FAM133B: variants seen among roughly 807,000 people sequenced by gnomAD.
The protein encoded by FAM133B is family with sequence similarity 133 member B, also known as protein FAM133B.
FAM133B carries 25 observed loss-of-function variants against 46.4 expected under a neutral mutation model. The ratio of observed to expected loss-of-function variants is 0.54; its 90% CI spans 0.39 to 0.75. The LOEUF (loss-of-function observed/expected upper bound fraction) is 0.75, where lower values mean the gene tolerates loss of function less well. Ranked by LOEUF, FAM133B falls within the 30% of genes least tolerant of loss-of-function variation. The pLI is 0.00. For synonymous variants in FAM133B, 75 were observed against 86.0 expected (o/e 0.87, Z 0.71); for missense variants, 205 against 277.6 (o/e 0.74, Z 1.86).
Position 92,569,891 on chromosome 7 carries a change from T to C in FAM133B, c.541A>G (p.Arg181Gly). The part of the protein sequence containing the change: ...EKDIKGLSKK[R>G]KMYSEDKPLS... ...GGTTTATCTTCAGAATACATCTTTC[T>C]CTTTTTGCTGAGTCCTTTAATATCC... The change falls in exon 9 of 11, where the codon AGA becomes GGA. Residue 181 changes from arginine (R) to glycine (G), a missense_variant. Coordinates refer to ENST00000445716, the MANE Select transcript of FAM133B (RefSeq NM_152789.4). 1 of 1,420,080 alleles carries C rather than the reference T, an allele frequency of 7.0e-7. No individual in the cohort carries two copies. The highest frequency in any genetic ancestry group is 2.9e-5 in the East Asian group (1 of 34,472). 88.0% of individuals were successfully genotyped at this position (1,420,080 alleles called of 1,614,324 possible). A position where few individuals can be genotyped will look rare whatever the true frequency, so the allele number is the denominator to read the frequency against.
At chr7:92,562,782 G>A (rs1315860566) in intron 10 of FAM133B, among the ~76,000 whole-genome samples, 2 of 152,130 alleles carry the variant, frequency 1.3e-5, no homozygotes, top group African/African-American at 2.4e-5. Flanking sequence ...TATTAAATTT[G>A]CCAGTTTTAA....
At chr7:92,578,466 C>A (rs1794768716) in intron 3 of FAM133B, 73 bp from the exon 4 acceptor site, 2 of 1,289,108 alleles carry the variant, frequency 1.6e-6, no homozygotes, top group Admixed American at 3.9e-5. Flanking sequence ...GAGACAGCCA[C>A]TGCTTCCTTC....
chr7:92,585,465 T>C, intron 1 of FAM133B: 1 of 619,150 alleles, frequency 1.6e-6, no homozygotes, highest in Non-Finnish European at 2.0e-6. Context: ...AATATACACA[T>C]ATCAAGGATA....
intron 2 of FAM133B, 36 bp from the exon 3 acceptor site, chr7:92,579,431 A>T: frequency 6.8e-7 from 1 of 1,463,288 alleles, no homozygotes; most frequent in South Asian, 1.3e-5. Context: ...AATTTCAAGC[A>T]ATTCAAATTA....
At chr7:92,589,905 G>A (rs949874147) in intron 1 of FAM133B, 3 of 309,796 alleles carry the variant, frequency 9.7e-6, no homozygotes, top group Non-Finnish European at 1.8e-5. Flanking sequence ...ATGCGTCCAA[G>A]GGCCTAAGTC....
chr7:92,575,694 GAT>G, intron 8 of FAM133B, 75 bp downstream of exon 8: 1 of 680,568 alleles, frequency 1.5e-6, no homozygotes, highest in Non-Finnish European at 2.4e-6. Context: ...CTTAAAAAGA[GAT>G]ACACATTATT....
intron 1 of FAM133B, among the ~76,000 whole-genome samples, chr7:92,583,511 C>T (rs1415545418): frequency 1.3e-5 from 2 of 152,152 alleles, no homozygotes; most frequent in African/African-American, 4.8e-5. Flanking sequence ...TTAAATCATG[C>T]TGTCTACTAC....
Position 92,577,658 on chromosome 7 carries a change from A to G in FAM133B, c.369T>C (p.Asp123=). The G allele has an allele frequency of 6.3e-7, 1 of 1,579,700 alleles. No individual in the cohort carries two copies. Among genetic ancestry groups the G allele is most frequent in the Non-Finnish European group, 8.6e-7 (1 of 1,161,388 alleles). ...AACCATTATAAGCAAACCTTACCTC[A>G]TCTTCAGAATCAGAAGAACTGCTGG... is the stretch of plus-strand genomic sequence containing the variant. ...DSSSSSSDSE[D]EDKKQGKRRK... is the part of the protein sequence containing the mutation. The change falls in exon 6 of 11, where the codon GAT becomes GAC. Residue 123 remains aspartate, a synonymous_variant. Transcript: ENST00000445716.
Position 92,581,468 on chromosome 7 carries a change from A to C in FAM133B, c.122+38T>G, listed in dbSNP as rs371763823. The C allele has an allele frequency of 5.3e-4, 821 of 1,537,096 alleles. 4 individuals carry two copies. The highest frequency in any genetic ancestry group is 6.6e-4 in the Non-Finnish European group (736 of 1,117,664). ...CTTAAGAATAAACTTTAAAAAGTTG[A>C]TAAAAGCTTATAAATAGGTAAAGTG... On this transcript the variant is annotated intron_variant, in intron 2 of 10. Coordinates refer to ENST00000445716, the MANE Select transcript of FAM133B (RefSeq NM_152789.4).
intron 1 of FAM133B, chr7:92,581,932 G>C (rs1039865840): frequency 9.6e-5 from 18 of 188,454 alleles, no homozygotes; most frequent in Admixed American, 1.7e-4. Context: ...GGTGATAACA[G>C]TATGTTCACT....
intron 1 of FAM133B, chr7:92,590,033 G>A (rs1293130099): frequency 8.3e-6 from 5 of 604,484 alleles, no homozygotes; most frequent in African/African-American, 3.8e-5. Flanking sequence ...GCGCCAGAAA[G>A]AGCGACGAGG....
intron 1 of FAM133B, 123 bp from the exon 2 acceptor site, chr7:92,581,726 CT>C: frequency 1.4e-6 from 1 of 690,548 alleles, no homozygotes; most frequent in South Asian, 1.9e-5. Flanking sequence ...TGCAATCTGA[CT>C]AACCAACTCT....
chr7:92,589,499 T>C (rs953160581), intron 1 of FAM133B, among the ~76,000 whole-genome samples: 2 of 152,242 alleles, frequency 1.3e-5, no homozygotes, highest in South Asian at 4.1e-4. Flanking sequence ...TCTTGCCTTT[T>C]GTGATTTCAA....
At chr7:92,585,551 T>C (rs891303107) in intron 1 of FAM133B, among the ~76,000 whole-genome samples, 3 of 152,158 alleles carry the variant, frequency 2.0e-5, no homozygotes, top group Non-Finnish European at 4.4e-5. Context: ...GCTAAATATA[T>C]TAAAGTACAC....
chr7:92,583,813 C>T (rs991244165), intron 1 of FAM133B, among the ~76,000 whole-genome samples: 23 of 151,794 alleles, frequency 1.5e-4, no homozygotes, highest in African/African-American at 5.6e-4. Context: ...CTTTGGGAGG[C>T]TGGGGCGGGT....
At chr7:92,569,588 A>C (rs1794468213) in intron 9 of FAM133B, 1 of 260,062 alleles carries the variant, frequency 3.8e-6, no homozygotes, top group African/African-American at 2.2e-5. Flanking sequence ...AGAAGACTAA[A>C]AATATCTCAG....
chr7:92,567,556 CT>C (rs1174629750), intron 9 of FAM133B, among the ~76,000 whole-genome samples: 1 of 152,156 alleles, frequency 6.6e-6, no homozygotes, highest in Non-Finnish European at 1.5e-5. Context: ...CACTAGCTCT[CT>C]TTACCGAGCA....
intron 2 of FAM133B, among the ~76,000 whole-genome samples, chr7:92,580,078 AT>A (rs1270589937): frequency 6.6e-6 from 1 of 151,894 alleles, no homozygotes; most frequent in Non-Finnish European, 1.5e-5. Context: ...GGAAGCTGGA[AT>A]TTTTTTTAAA....
In FAM133B at chr7:92,566,066, A is replaced by T; in HGVS notation, c.610-5T>A. 1 of 1,613,456 alleles carries T rather than the reference A, an allele frequency of 6.2e-7. No homozygotes were observed. The highest frequency in any genetic ancestry group is 1.3e-5 in the African/African-American group (1 of 75,020). ...TTTCTTCTTTTTTGCTCGCACCTAG[A>T]AAGTTTAAATTTTTGTGGAGAACAG... On this transcript the variant is annotated splice_region_variant and splice_polypyrimidine_tract_variant and intron_variant, in intron 9 of 10. Transcript: ENST00000445716.
Sources: gnomAD v4.1 joint callset for allele counts (sites outside exome capture counted in the v4.1 genomes callset) on GRCh38, gnomAD v4.1.1 for gene constraint, MANE v1.5 for transcripts, NCBI Gene and HGNC (gene_info 2026-07-23, HGNC 2026-07-21) for gene names.